MUCL1: variants seen among roughly 807,000 people sequenced by gnomAD.
MUCL1 encodes the protein mucin-like protein 1.
A neutral mutation model predicts 9.2 loss-of-function variants in MUCL1; 11 were observed. The ratio of observed to expected loss-of-function variants is 1.19; its 90% CI spans 0.75 to 1.97. MUCL1 has a LOEUF of 1.97. Among genes scored for constraint, MUCL1 ranks in the 30% most tolerant of loss-of-function variants. MUCL1 has a pLI of 0.00. For missense variants in MUCL1, 144 were observed against 110.9 expected, an observed-to-expected ratio of 1.30 and a Z score of -1.34; for synonymous variants, 48 against 40.5, an observed-to-expected ratio of 1.19 and a Z score of -0.71.
intron 1 of MUCL1, among the ~76,000 whole-genome samples, chr12:54,832,245 A>G (rs1409451935): frequency 1.3e-5 from 2 of 152,268 alleles, no homozygotes; most frequent in Admixed American, 1.3e-4. Context: ...CCTTAACATC[A>G]AAAGTACACT....
chr12:54,831,967 A>G (rs1959186039), intron 1 of MUCL1, among the ~76,000 whole-genome samples: 2 of 152,120 alleles, frequency 1.3e-5, no homozygotes, highest in Admixed American at 1.3e-4. Flanking sequence ...TAGGAAAACA[A>G]TTCTTCATCA....
upstream of MUCL1, among the ~76,000 whole-genome samples, chr12:54,854,296 C>T (rs966883126): frequency 2.0e-5 from 3 of 152,172 alleles, no homozygotes; most frequent in African/African-American, 7.2e-5. Flanking sequence ...AGAGAAGTTG[C>T]CTGGAGCATA....
intron 3 of MUCL1, 80 bp downstream of exon 3, chr12:54,856,972 A>G: frequency 1.3e-6 from 2 of 1,591,340 alleles, no homozygotes; most frequent in Admixed American, 1.7e-5. Context: ...CAGAGACTCT[A>G]TTTTTGAGGT....
chr12:54,852,029 A>G (rs1431428296), upstream of MUCL1, among the ~76,000 whole-genome samples: 2 of 152,218 alleles, frequency 1.3e-5, no homozygotes, highest in East Asian at 1.9e-4. Context: ...ATGGAAGAAC[A>G]TTCCATGCTC....
intron 1 of MUCL1, 137 bp downstream of exon 1, chr12:54,854,777 C>T (rs902307619): frequency 6.9e-6 from 5 of 727,522 alleles, no homozygotes; most frequent in South Asian, 1.9e-5. Flanking sequence ...TTTTGACTGA[C>T]CGTTCAAGAT....
At chr12:54,855,083 C>T in intron 1 of MUCL1, 33 bp from the exon 2 acceptor site, 2 of 1,605,190 alleles carry the variant, frequency 1.2e-6, no homozygotes, top group Non-Finnish European at 1.7e-6. Flanking sequence ...TGGTATTCAG[C>T]TAACATCTTA....
At chr12:54,843,248 TTGG>T (rs1565775751) in intron 1 of MUCL1, among the ~76,000 whole-genome samples, 24 of 152,352 alleles carry the variant, frequency 1.6e-4, no homozygotes, top group Admixed American at 1.5e-3. Context: ...GCTTCAGTCT[TTGG>T]TATGATGTTT....
At chr12:54,854,663 A>T in intron 1 of MUCL1, 23 bp downstream of exon 1, 1 of 1,603,466 alleles carries the variant, frequency 6.2e-7, no homozygotes. Context: ...TCTTACCTGA[A>T]CATAAGTTTT....
At chr12:54,841,826 T>C (rs1183191716) in intron 1 of MUCL1, among the ~76,000 whole-genome samples, 1 of 152,218 alleles carries the variant, frequency 6.6e-6, no homozygotes, top group Non-Finnish European at 1.5e-5. Context: ...TGTAGTCCCA[T>C]TTATTTTTGC....
upstream of MUCL1, among the ~76,000 whole-genome samples, chr12:54,835,222 C>A (rs1478480369): frequency 6.6e-6 from 1 of 152,038 alleles, no homozygotes; most frequent in Non-Finnish European, 1.5e-5. Flanking sequence ...AACATATACA[C>A]GTATGTGTCT....
rs1868284616 is a variant in MUCL1, at chr12:54,854,544, G to A, written c.-39G>A. On this transcript the variant is annotated 5_prime_UTR_variant, in exon 1 of 4. Coordinates refer to ENST00000308796, the MANE Select transcript of MUCL1 (RefSeq NM_058173.3). ...GCCTTGCCTTCTCTTAGGCTTTGAA[G>A]CATTTTTGTCTGTGCTCCCTGATCT... 8 of 1,576,548 alleles carry A rather than the reference G, an allele frequency of 5.1e-6. No individual in the cohort carries two copies. The highest frequency in any genetic ancestry group is 1.4e-5 in the African/African-American group (1 of 73,722).
chr12:54,845,260 T>C lies in MUCL1; in HGVS notation c.43+5813T>C, dbSNP rs553051200. On this transcript the variant is annotated intron_variant, in intron 1 of 3. Coordinates refer to the MUCL1 transcript ENST00000546809. The stretch of plus-strand genomic sequence containing the variant: ...ACTGAGCAATGAGCTCTCTGCCCAA[T>C]GCATATAGCAGTCAATGCTATAGCA... Among the ~76,000 whole-genome samples, 191 of 152,274 alleles carry C rather than the reference T, an allele frequency of 1.3e-3. 1 individual carries two copies. The highest frequency in any genetic ancestry group is 2.5e-3 in the Non-Finnish European group (169 of 68,012).
chr12:54,855,380 A>G (rs1868291129), intron 2 of MUCL1: 1 of 542,460 alleles, frequency 1.8e-6, no homozygotes, highest in Non-Finnish European at 3.3e-6. Context: ...CCATAGACTT[A>G]TACAAATGTG....
intron 1 of MUCL1, among the ~76,000 whole-genome samples, chr12:54,843,336 T>C (rs1012317598): frequency 1.3e-5 from 2 of 152,250 alleles, no homozygotes; most frequent in Non-Finnish European, 2.9e-5. Flanking sequence ...TATTGAATTT[T>C]ATCAAATGTT....
At chr12:54,857,196 T>C (rs1291833902) in intron 3 of MUCL1, among the ~76,000 whole-genome samples, 1 of 151,754 alleles carries the variant, frequency 6.6e-6, no homozygotes, top group Admixed American at 6.6e-5. Flanking sequence ...TGAAGCTAGG[T>C]AACTGCTTAT....
At chr12:54,847,159 C>G (rs1388547360) in intron 1 of MUCL1, among the ~76,000 whole-genome samples, 1 of 152,196 alleles carries the variant, frequency 6.6e-6, no homozygotes, top group Non-Finnish European at 1.5e-5. Context: ...GCCTTCCTTC[C>G]TTCCTTCTTT....
intron 1 of MUCL1, among the ~76,000 whole-genome samples, chr12:54,841,370 G>C (rs567107062): frequency 6.6e-6 from 1 of 152,128 alleles, no homozygotes; most frequent in Non-Finnish European, 1.5e-5. Context: ...TAGATGTATT[G>C]CTGGGTCATA....
chr12:54,847,919 A>G (rs760377435), intron 1 of MUCL1, among the ~76,000 whole-genome samples: 12 of 152,038 alleles, frequency 7.9e-5, no homozygotes, highest in Non-Finnish European at 1.5e-4. Context: ...AGCCCTGTGT[A>G]TGCCCCAGCT....
At chr12:54,846,024 T>C (rs1013773825) in intron 1 of MUCL1, among the ~76,000 whole-genome samples, 6 of 152,210 alleles carry the variant, frequency 3.9e-5, no homozygotes, top group Non-Finnish European at 7.3e-5. Flanking sequence ...TTTTTATGTT[T>C]TAAGACATTG....
Sources: allele counts gnomAD v4.1 joint callset (sites outside exome capture counted in the v4.1 genomes callset), GRCh38; gene constraint gnomAD v4.1.1; transcripts MANE v1.5; gene names NCBI Gene and HGNC (gene_info 2026-07-23, HGNC 2026-07-21).